DDX50: variants seen among roughly 807,000 people sequenced by gnomAD.
DDX50 encodes the protein ATP-dependent RNA helicase DDX50.
In DDX50, 56 loss-of-function variants were observed where a neutral mutation model predicts 94.8. That is an observed-to-expected ratio of 0.59 (90% CI 0.48 to 0.74). The LOEUF (loss-of-function observed/expected upper bound fraction) is 0.74. DDX50 is among the 30% of genes least tolerant of loss of function. The probability of loss-of-function intolerance (pLI) is 0.00; values close to 1 mark genes in which losing one functional copy is unlikely to be tolerated. For synonymous variants in DDX50, 264 were observed against 295.4 expected, an observed-to-expected ratio of 0.89 and a Z score of 1.09; for missense variants, 713 against 881.2, an observed-to-expected ratio of 0.81 and a Z score of 2.42.
Position 68,919,988 on chromosome 10 carries a change from C to T in DDX50, c.1239+7C>T. The stretch of plus-strand genomic sequence containing the variant: ...GAATCCACACATAAAACAGGTAAGT[C>T]TTTTTTTCATGCTTTCTCTAATTGA... On this transcript the variant is annotated splice_region_variant and intron_variant, in intron 8 of 14. Transcript: ENST00000373585. 6.2e-7 allele frequency: 1 copy of T among 1,612,808 alleles called. No individual in the cohort carries two copies. Among genetic ancestry groups the T allele is most frequent in the Non-Finnish European group, 8.5e-7 (1 of 1,179,700 alleles).
rs1380985038 is a variant in DDX50, at chr10:68,946,598, A to G, written c.2182A>G (p.Arg728Gly). 1 of 1,613,942 alleles carries G rather than the reference A, an allele frequency of 6.2e-7. No homozygotes were observed. The highest frequency in any genetic ancestry group is 1.3e-5 in the African/African-American group (1 of 74,934). The change falls in exon 15 of 15, where the codon AGA becomes GGA. Residue 728 changes from arginine (R) to glycine (G), a missense_variant. By Grantham distance (125) the Arg-to-Gly change is moderately radical. This residue lies in a region of DDX50 where 428 missense variants were observed against 602.3 expected (regional missense o/e 0.71). Coordinates refer to ENST00000373585, the MANE Select transcript of DDX50 (RefSeq NM_024045.2). ...RRRSGNRNRS[R>G]SGGHKRSFD ...ACGAAGTGGGAATAGAAATCGATCA[A>G]GAAGTGGGGGCCACAAACGGAGTTT...
chr10:68,940,774 A>G (rs970358621), intron 12 of DDX50, among the ~76,000 whole-genome samples: 3 of 151,854 alleles, frequency 2.0e-5, no homozygotes, highest in African/African-American at 7.3e-5. Context: ...ATTCTTCACT[A>G]CCTTGTTGTC....
intron 8 of DDX50, among the ~76,000 whole-genome samples, chr10:68,933,692 G>C (rs1842331057): frequency 6.6e-6 from 1 of 151,992 alleles, no homozygotes; most frequent in Admixed American, 6.6e-5. Flanking sequence ...CCAGCACTTT[G>C]GGAGGCAGAG....
rs145532975 is a variant in DDX50, at chr10:68,914,186, G to A, written c.1071G>A (p.Lys357=). The A allele has an allele frequency of 1.4e-5, 22 of 1,610,286 alleles. No individual in the cohort carries two copies. The highest frequency in any genetic ancestry group is 3.3e-4 in the Middle Eastern group (2 of 6,070). Residue 357 remains lysine (K), a synonymous_variant, in exon 7 of 15, where the codon AAG becomes AAA. Coordinates refer to ENST00000373585, the MANE Select transcript of DDX50 (RefSeq NM_024045.2). ...ACCTTGTTGGAAAAATGACTCAAAA[G>A]GCTGCAACTACTGTGGAAGTAAGTA... ...QVDLVGKMTQ[K]AATTVEHLAI...
In DDX50 at chr10:68,936,926, TA is replaced by T; in HGVS notation, c.1596-7del. On this transcript the variant is annotated splice_polypyrimidine_tract_variant and intron_variant, in intron 11 of 14. Coordinates refer to ENST00000373585, the MANE Select transcript of DDX50 (RefSeq NM_024045.2). ...ATGTCTTGACCAAGAATACTATTTTTAAACCATAGGTCTCTGGCTTCCGTTT... is the reference window on the plus strand; with the variant it reads ...ATGTCTTGACCAAGAATACTATTTTTAACCATAGGTCTCTGGCTTCCGTTT... 1 of 1,581,398 alleles carries T rather than the reference TA, an allele frequency of 6.3e-7. No individual in the cohort carries two copies. Among genetic ancestry groups the T allele is most frequent in the Non-Finnish European group, 8.6e-7 (1 of 1,162,070 alleles).
intron 7 of DDX50, among the ~76,000 whole-genome samples, chr10:68,915,312 C>T (rs892491756): frequency 6.6e-6 from 1 of 151,662 alleles, no homozygotes; most frequent in Admixed American, 6.6e-5. Context: ...ACTCGGGAGG[C>T]TGAGGCAGGA....
chr10:68,937,152 G>T (rs1539166), intron 12 of DDX50, 57 bp downstream of exon 12: 1,370,236 of 1,486,664 alleles, frequency 0.92, 632,063 homozygotes, highest in East Asian at 1. Flanking sequence ...TTGAACATAG[G>T]AAATATTGTA....
At chr10:68,906,387 G>A in intron 1 of DDX50, 1 of 234,534 alleles carries the variant, frequency 4.3e-6, no homozygotes, top group Non-Finnish European at 8.2e-6. Flanking sequence ...AATGTTGGAA[G>A]TTTTTGCTTG....
intron 10 of DDX50, 122 bp downstream of exon 10, chr10:68,935,040 T>C: frequency 1.6e-6 from 2 of 1,248,076 alleles, no homozygotes; most frequent in East Asian, 2.6e-5. Context: ...TGCATTTGGC[T>C]GTGAAGCCTG....
At chr10:68,907,767 A>G (rs1053514140) in intron 2 of DDX50, among the ~76,000 whole-genome samples, 1 of 151,836 alleles carries the variant, frequency 6.6e-6, no homozygotes, top group Admixed American at 6.6e-5. Context: ...TTTGGCAGGA[A>G]GCACATGTGT....
chr10:68,941,288 A>T, intron 13 of DDX50, 94 bp downstream of exon 13: 1 of 1,484,216 alleles, frequency 6.7e-7, no homozygotes, highest in Non-Finnish European at 9.1e-7. Context: ...TTGAAGCCTA[A>T]TGGCATGAAT....
chr10:68,936,505 AAAAAAAAAAAATATAT>A (rs1434300684), intron 11 of DDX50, among the ~76,000 whole-genome samples: 9 of 47,554 alleles, frequency 1.9e-4, no homozygotes, highest in African/African-American at 6.1e-4. Context: ...AAAAAAAAAA[AAAAAAAAAAAATATAT>A]ATATATATAT....
chr10:68,925,594 C>T (rs1213712630), intron 8 of DDX50, among the ~76,000 whole-genome samples: 1 of 152,084 alleles, frequency 6.6e-6, no homozygotes, highest in Non-Finnish European at 1.5e-5. Flanking sequence ...GTTTAAATGT[C>T]CAGTATAGGC....
At chr10:68,940,927 A>G (rs927947457) in intron 12 of DDX50, 133 bp from the exon 13 acceptor site, 1 of 1,209,714 alleles carries the variant, frequency 8.3e-7, no homozygotes, top group Non-Finnish European at 1.1e-6. Context: ...TTTCAAAAAA[A>G]TTTTTTAGCT....
intron 3 of DDX50, among the ~76,000 whole-genome samples, chr10:68,910,705 G>T (rs1841600608): frequency 6.6e-6 from 1 of 152,116 alleles, no homozygotes; most frequent in African/African-American, 2.4e-5. Context: ...CTGGCCCAAA[G>T]GTTTGCAGTT....
At chr10:68,925,050 C>G (rs546459338) in intron 8 of DDX50, among the ~76,000 whole-genome samples, 1 of 149,958 alleles carries the variant, frequency 6.7e-6, no homozygotes, top group Admixed American at 6.7e-5. Flanking sequence ...TTAGGACTAG[C>G]AAATTCCCCC....
chr10:68,929,000 G>T (rs1842161711), intron 8 of DDX50, among the ~76,000 whole-genome samples: 1 of 152,040 alleles, frequency 6.6e-6, no homozygotes, highest in Non-Finnish European at 1.5e-5. Context: ...CCAGGCTGGA[G>T]TGCAGTGGCG....
chr10:68,912,900 G>T (rs577807437), intron 4 of DDX50, among the ~76,000 whole-genome samples: 150 of 152,286 alleles, frequency 9.8e-4, no homozygotes, highest in African/African-American at 3.4e-3. Context: ...GGTGGTTTAA[G>T]TGCTGAGGAG....
chr10:68,910,976 C>A, intron 3 of DDX50, 92 bp from the exon 4 acceptor site: 2 of 1,020,806 alleles, frequency 2.0e-6, no homozygotes, highest in Non-Finnish European at 2.7e-6. Context: ...TTTAGGCAGA[C>A]ATAGAAGAAT....
Sources: gnomAD v4.1 joint callset for allele counts (sites outside exome capture counted in the v4.1 genomes callset) on GRCh38, gnomAD v4.1.1 for gene constraint, gnomAD v4.1.1 regional missense constraint, MANE v1.5 for transcripts, NCBI Gene and HGNC (gene_info 2026-07-23, HGNC 2026-07-21) for gene names.